Variants in CNN1 observed in about 807,000 individuals in gnomAD.
The protein encoded by CNN1 is calponin 1, also known as calponin-1.
CNN1 carries 21 observed loss-of-function variants against 35.3 expected under a neutral mutation model. The ratio of observed to expected loss-of-function variants is 0.60; its 90% CI spans 0.42 to 0.86. The LOEUF (loss-of-function observed/expected upper bound fraction) is 0.86. Ranked by LOEUF, CNN1 falls within the 40% of genes least tolerant of loss-of-function variation. CNN1 has a pLI of 0.00. For synonymous variants in CNN1, 164 were observed against 161.8 expected (o/e 1.01, Z -0.10); for missense variants, 314 against 400.8 (o/e 0.78, Z 1.85).
chr19:11,540,038 T>TCCCACCTCCC, intron 1 of CNN1: 1 of 981,196 alleles, frequency 1.0e-6, no homozygotes, highest in Non-Finnish European at 1.2e-6. Flanking sequence ...GGGCCGCCCC[T>TCCCACCTCCC]CCCACCTCCC....
chr19:11,544,717 G>C (rs982209943), intron 2 of CNN1, among the ~76,000 whole-genome samples: 1 of 137,178 alleles, frequency 7.3e-6, no homozygotes, highest in African/African-American at 2.8e-5. Flanking sequence ...TGCCCAGGCT[G>C]ATCTGAAACT....
intron 2 of CNN1, among the ~76,000 whole-genome samples, chr19:11,542,408 G>T (rs913423021): frequency 3.3e-5 from 5 of 151,386 alleles, no homozygotes; most frequent in Non-Finnish European, 7.4e-5. Context: ...GGCCTGGCTG[G>T]TCTCGAACTC....
chr19:11,542,866 G>A (rs1022726460), intron 2 of CNN1, among the ~76,000 whole-genome samples: 4 of 152,106 alleles, frequency 2.6e-5, no homozygotes, highest in African/African-American at 7.2e-5. Context: ...GAGCCACCGC[G>A]CCCGGCTCCA....
rs755651991 is a variant in CNN1, at chr19:11,547,808, A to G, written c.402A>G (p.Lys134=). 2 of 1,613,704 alleles carry G rather than the reference A, an allele frequency of 1.2e-6. No individual in the cohort carries two copies. Among genetic ancestry groups the G allele is most frequent in the East Asian group, 4.5e-5 (2 of 44,872 alleles). The change falls in exon 5 of 7, where the codon AAA becomes AAG. Residue 134 remains lysine, a synonymous_variant. Transcript: ENST00000252456. ...LLALASMAKT[K]GNKVNVGVKY... ...CCTGCCCCACCTAGGCGAAGACGAA[A>G]GGAAACAAGGTGAACGTGGGAGTGA...
chr19:11,546,476 C>T (rs1010241465), intron 2 of CNN1, among the ~76,000 whole-genome samples, 199 bp from the exon 3 acceptor site: 2 of 151,952 alleles, frequency 1.3e-5, no homozygotes, highest in Admixed American at 1.3e-4. Context: ...GCTGGGAGTA[C>T]AGGCATGTGC....
Position 11,549,700 on chromosome 19 carries a change from G to C in CNN1, c.799G>C (p.Val267Leu). The C allele has an allele frequency of 1.2e-6, 2 of 1,614,140 alleles. No individual in the cohort carries two copies. Among genetic ancestry groups the C allele is most frequent in the African/African-American group, 2.7e-5 (2 of 75,040 alleles). ...GMTVYGLPRQVYDPKYCLTPE... is the reference protein window; with the variant it reads ...GMTVYGLPRQLYDPKYCLTPE... ...GACGGTGTATGGGCTGCCACGCCAGGTCTACGACCCCAAGTACTGTCTGAC... is the reference window on the plus strand; with the variant it reads ...GACGGTGTATGGGCTGCCACGCCAGCTCTACGACCCCAAGTACTGTCTGAC... The change falls in exon 7 of 7, where the codon GTC (valine) becomes CTC (leucine). Residue 267 changes from valine (V) to leucine (L), a missense_variant. Coordinates refer to ENST00000252456, the MANE Select transcript of CNN1 (RefSeq NM_001299.6). This position sits in a 1 kb window ranked among gnomAD's most constrained non-coding sequence, Gnocchi z 5.2.
At position 11,550,120 on chromosome 19, in the gene CNN1, G is replaced by C; in HGVS notation, c.*325G>C. 3.7e-6 allele frequency: 1 copy of C among 269,152 alleles called. No individual in the cohort carries two copies. Among genetic ancestry groups the C allele is most frequent in the Non-Finnish European group, 7.0e-6 (1 of 143,458 alleles). The allele number at this position is 269,152 out of a possible 1,614,324, so 16.7% of individuals were successfully genotyped here. Reference sequence around the variant, plus strand: ...ACCCCCAGGACCAGAAGCTCCCCCAGCAAAGCCCCCAGAGCCCAGGCTCGG... The same window carrying C: ...ACCCCCAGGACCAGAAGCTCCCCCACCAAAGCCCCCAGAGCCCAGGCTCGG... On this transcript the variant is annotated 3_prime_UTR_variant, in exon 7 of 7. Coordinates refer to ENST00000252456, the MANE Select transcript of CNN1 (RefSeq NM_001299.6).
Position 11,549,594 on chromosome 19 carries a change from G to A in CNN1, c.693G>A (p.Pro231=), listed in dbSNP as rs369578314. 4.5e-5 allele frequency: 72 copies of A among 1,605,000 alleles called. No individual in the cohort carries two copies. Among genetic ancestry groups the A allele is most frequent in the Non-Finnish European group, 5.9e-5 (69 of 1,173,256 alleles). ...GGACCAAGCGGCAGATCTTCGAGCC[G>A]GGGCTGGGCATGGAGCACTGCGACA... ...APGTKRQIFE[P]GLGMEHCDTL... Residue 231 remains proline, a synonymous_variant, in exon 7 of 7, where the codon CCG becomes CCA. Coordinates refer to ENST00000252456, the MANE Select transcript of CNN1 (RefSeq NM_001299.6). This position sits in a 1 kb window ranked among gnomAD's most constrained non-coding sequence, Gnocchi z 5.2.
intron 2 of CNN1, among the ~76,000 whole-genome samples, chr19:11,546,156 C>T (rs185809258): frequency 1.3e-5 from 2 of 152,174 alleles, no homozygotes; most frequent in African/African-American, 4.8e-5. Context: ...TGACTGGGAC[C>T]TGAGTCTAGC....
chr19:11,539,631 C>A, intron 1 of CNN1: 2 of 730,210 alleles, frequency 2.7e-6, no homozygotes, highest in Non-Finnish European at 4.1e-6. Context: ...CTTCTCCCAG[C>A]TGGAGAACTT....
chr19:11,539,223 C>A (rs960449595), intron 1 of CNN1: 1 of 1,258,204 alleles, frequency 7.9e-7, no homozygotes. Context: ...CAGAGGGGGT[C>A]AGTCCATTGC....
intron 2 of CNN1, among the ~76,000 whole-genome samples, chr19:11,545,977 AAAAAG>A (rs1011101988): frequency 7.9e-5 from 12 of 152,148 alleles, no homozygotes; most frequent in South Asian, 2.1e-4. Flanking sequence ...AAAAGAAAAA[AAAAAG>A]AAAAGAAAAG....
intron 1 of CNN1, 127 bp from the exon 2 acceptor site, chr19:11,540,949 T>C: frequency 2.9e-6 from 3 of 1,045,184 alleles, no homozygotes; most frequent in Non-Finnish European, 3.9e-6. Context: ...TGGGGCAAAA[T>C]TGCCTTAGTT....
At chr19:11,542,588 T>C (rs1972490252) in intron 2 of CNN1, among the ~76,000 whole-genome samples, 1 of 151,590 alleles carries the variant, frequency 6.6e-6, no homozygotes, top group South Asian at 2.1e-4. Context: ...TCTTTTTTTT[T>C]TTTTTCAGAT....
At chr19:11,542,966 C>A (rs544860025) in intron 2 of CNN1, among the ~76,000 whole-genome samples, 1 of 152,158 alleles carries the variant, frequency 6.6e-6, no homozygotes, top group Non-Finnish European at 1.5e-5. Context: ...CTGTGAGTGG[C>A]CTCGGGAAGA....
intron 2 of CNN1, among the ~76,000 whole-genome samples, chr19:11,541,490 A>G (rs1972461500): frequency 2.0e-5 from 3 of 152,222 alleles, no homozygotes; most frequent in Admixed American, 2.0e-4. Context: ...AAGAGCGGTC[A>G]CAGCTAAAAG....
chr19:11,548,683 CA>C (rs1182161464), intron 5 of CNN1, among the ~76,000 whole-genome samples: 1 of 151,760 alleles, frequency 6.6e-6, no homozygotes, highest in Non-Finnish European at 1.5e-5. Flanking sequence ...ACCAAAAATA[CA>C]AAAACTAGCC....
chr19:11,548,507 A>T (rs113647621), intron 5 of CNN1, among the ~76,000 whole-genome samples: 3,068 of 152,142 alleles, frequency 0.02, 63 homozygotes, highest in Admixed American at 0.051. Flanking sequence ...GCATCACTGG[A>T]CTCCAGCCTG....
chr19:11,538,881 C>T lies in CNN1; in HGVS notation c.-47C>T, dbSNP rs797020611. The stretch of plus-strand genomic sequence containing the variant: ...CGGAACTTCAGCCGCTGCCTCTGTT[C>T]TCAGCGTCAGTGCCGCCACTGCCCC... On this transcript the variant is annotated 5_prime_UTR_variant, in exon 1 of 7. Coordinates refer to ENST00000252456, the MANE Select transcript of CNN1 (RefSeq NM_001299.6). 9 of 1,466,838 alleles carry T rather than the reference C, an allele frequency of 6.1e-6. No individual in the cohort carries two copies. Among genetic ancestry groups the T allele is most frequent in the African/African-American group, 4.3e-5 (3 of 69,778 alleles). 90.9% of individuals were successfully genotyped at this position (1,466,838 alleles called of 1,614,324 possible). A position where few individuals can be genotyped will look rare whatever the true frequency, so the allele number is the denominator to read the frequency against.
Sources: gnomAD v4.1 joint callset for allele counts (sites outside exome capture counted in the v4.1 genomes callset) on GRCh38, gnomAD v4.1.1 for gene constraint, Gnocchi (gnomAD v3.1) non-coding constraint, MANE v1.5 for transcripts, NCBI Gene and HGNC (gene_info 2026-07-23, HGNC 2026-07-21) for gene names.